RHEX: variants seen among roughly 807,000 people sequenced by gnomAD.
The protein encoded by RHEX is regulator of hemoglobinization and erythroid cell expansion, also known as regulator of hemoglobinization and erythroid cell expansion protein.
In RHEX, 18 loss-of-function variants were observed where a neutral mutation model predicts 20.1. The observed-to-expected ratio is 0.90, with a 90% CI of 0.62 to 1.33. The LOEUF is 1.33. Among genes scored for constraint, RHEX ranks in the 40% most tolerant of loss-of-function variants. The pLI is 0.00. For synonymous variants in RHEX, 87 were observed against 77.1 expected, an observed-to-expected ratio of 1.13 and a Z score of -0.67; for missense variants, 192 against 214.3, an observed-to-expected ratio of 0.90 and a Z score of 0.65.
intron 1 of RHEX, among the ~76,000 whole-genome samples, chr1:206,093,703 A>T (rs1050380769): frequency 6.6e-6 from 1 of 151,882 alleles, no homozygotes; most frequent in Non-Finnish European, 1.5e-5. Flanking sequence ...TCCCCCTGAT[A>T]TTACGCTGTA....
At chr1:206,092,197 T>A (rs182440133) in intron 1 of RHEX, among the ~76,000 whole-genome samples, 207 of 152,260 alleles carry the variant, frequency 1.4e-3, no homozygotes, top group Non-Finnish European at 2.1e-3. Flanking sequence ...GTGCTAGGAT[T>A]ACAAGTGTGA....
rs116893363 is a variant in RHEX, at chr1:206,098,696, G to A, written c.112+515G>A. ...CTTTGGTTGTGCTAAGAGAAAGGAC[G>A]GGGCAAGATGATGTTTTGAGGGTCT... On this transcript the variant is annotated intron_variant, in intron 3 of 5. Coordinates refer to ENST00000331555, the MANE Select transcript of RHEX (RefSeq NM_001007544.4). 4.4e-4 allele frequency among the ~76,000 whole-genome samples: 67 copies of A among 152,274 alleles called. No individual in the cohort carries two copies. In the East Asian group the frequency reaches 0.01, roughly 24 times the overall value.
chr1:206,085,583 C>T (rs1035178995), intron 1 of RHEX, among the ~76,000 whole-genome samples: 9 of 152,084 alleles, frequency 5.9e-5, no homozygotes, highest in African/African-American at 2.2e-4. Context: ...AACTGCTTTC[C>T]CCAAAATTAC....
At chr1:206,068,773 C>T (rs923984324) in intron 1 of RHEX, among the ~76,000 whole-genome samples, 4 of 152,216 alleles carry the variant, frequency 2.6e-5, no homozygotes, top group African/African-American at 9.7e-5. Flanking sequence ...TCAGAGCACT[C>T]ATTGTATAAG....
chr1:206,101,198 G>A lies in RHEX; in HGVS notation c.318+1G>A, dbSNP rs1306431885. The A allele has an allele frequency of 6.2e-7, 1 of 1,609,600 alleles. No individual in the cohort carries two copies. Among genetic ancestry groups the A allele is most frequent in the Non-Finnish European group, 8.5e-7 (1 of 1,177,448 alleles). ...CTGCAGTTCGCCTCCTGCCTGCCAG[G>A]TAATGGATGTGCCTAGTGATCTCAG... On this transcript the variant is annotated splice_donor_variant, in intron 5 of 5. Coordinates refer to ENST00000331555, the MANE Select transcript of RHEX (RefSeq NM_001007544.4). LOFTEE classifies it high-confidence loss of function.
intron 1 of RHEX, chr1:206,060,369 C>T (rs901207301): frequency 7.9e-5 from 12 of 152,354 alleles, no homozygotes; most frequent in Admixed American, 3.9e-4. Flanking sequence ...CTATCTCCTT[C>T]GTATTACTTT....
intron 3 of RHEX, 81 bp from the exon 4 acceptor site, chr1:206,099,574 C>A (rs1204914265): frequency 1.4e-6 from 2 of 1,380,080 alleles, no homozygotes; most frequent in African/African-American, 2.9e-5. Flanking sequence ...TTACCTCAGC[C>A]TCCCAAATTG....
chr1:206,091,409 T>C (rs938103107), intron 1 of RHEX, among the ~76,000 whole-genome samples: 4 of 152,200 alleles, frequency 2.6e-5, no homozygotes, highest in African/African-American at 4.8e-5. Context: ...ATACTGATTA[T>C]TGGTGCAGTA....
Position 206,097,836 on chromosome 1 carries a change from C to T in RHEX, c.8C>T (p.Thr3Ile), listed in dbSNP as rs782735944. The T allele has an allele frequency of 2.5e-6, 4 of 1,605,056 alleles. No homozygotes were observed. Among genetic ancestry groups the T allele is most frequent in the African/African-American group, 1.3e-5 (1 of 74,794 alleles). Residue 3 changes from threonine to isoleucine, a missense_variant, in exon 2 of 6, where the codon ACA (threonine) becomes ATA (isoleucine). By Grantham distance (89) the Thr-to-Ile change is moderately conservative. Coordinates refer to ENST00000331555, the MANE Select transcript of RHEX (RefSeq NM_001007544.4). The part of the protein sequence containing the change: ML[T>I]EVMEVWHGLV... ...ATCAGCAAGGAGCTCATCATGCTGA[C>T]AGAGTGAGTGGGCCCAACAAGAGCA...
chr1:206,087,457 C>T (rs187813534), intron 1 of RHEX, among the ~76,000 whole-genome samples: 4 of 151,852 alleles, frequency 2.6e-5, no homozygotes, highest in African/African-American at 7.3e-5. Context: ...ACCACTCCTT[C>T]TGACAATTCA....
intron 1 of RHEX, among the ~76,000 whole-genome samples, chr1:206,084,516 C>A (rs1369327864): frequency 6.6e-6 from 1 of 152,150 alleles, no homozygotes; most frequent in Non-Finnish European, 1.5e-5. Flanking sequence ...TGGAGAATTT[C>A]ATTACAGAAG....
rs559403427 is a variant in RHEX, at chr1:206,101,894, G to C, written c.461G>C (p.Trp154Ser). Reference protein sequence around the residue: ...VNPERHKPSFWYFVNPALSEP... With the variant: ...VNPERHKPSFSYFVNPALSEP... ...CCAGAAAGACACAAGCCCAGTTTCT[G>C]GTATTTTGTCAACCCTGCTCTGTCT... The change falls in exon 6 of 6, where the codon TGG becomes TCG. Residue 154 changes from tryptophan (W) to serine (S), a missense_variant. Transcript: ENST00000331555. The C allele has an allele frequency of 6.2e-7, 1 of 1,613,912 alleles. No individual in the cohort carries two copies. The highest frequency in any genetic ancestry group is 2.2e-5 in the East Asian group (1 of 44,876).
intron 4 of RHEX, among the ~76,000 whole-genome samples, chr1:206,100,501 G>T (rs537506320): frequency 1.3e-5 from 2 of 152,298 alleles, no homozygotes; most frequent in South Asian, 4.1e-4. Flanking sequence ...CCTGCCTGTG[G>T]GGACCTGAGG....
intron 1 of RHEX, among the ~76,000 whole-genome samples, chr1:206,094,327 A>G (rs1252422511): frequency 6.6e-6 from 1 of 152,244 alleles, no homozygotes; most frequent in African/African-American, 2.4e-5. Context: ...GACATCTGTC[A>G]TAATTTTCAT....
At chr1:206,097,931 C>T (rs1553287911) in intron 2 of RHEX, 92 bp downstream of exon 2, 2 of 1,215,020 alleles carry the variant, frequency 1.6e-6, no homozygotes, top group Non-Finnish European at 1.2e-6. Flanking sequence ...TTCCTGGCTG[C>T]CCCAGCCTTA....
At chr1:206,062,477 C>G (rs910421429) in intron 1 of RHEX, among the ~76,000 whole-genome samples, 4 of 152,366 alleles carry the variant, frequency 2.6e-5, no homozygotes, top group African/African-American at 9.6e-5. Flanking sequence ...TCAGGTCCAG[C>G]TGCTTTTGTC....
intron 4 of RHEX, 74 bp from the exon 5 acceptor site, chr1:206,101,062 C>A (rs2102331724): frequency 8.5e-7 from 1 of 1,179,436 alleles, no homozygotes; most frequent in Non-Finnish European, 1.2e-6. Context: ...ACAATTCTCC[C>A]TTCCATTGTC....
rs1222692627 is a variant in RHEX at position 206,097,753 on chromosome 1, G to A, written c.-76G>A. The A allele has an allele frequency of 3.7e-6, 6 of 1,613,610 alleles. No individual in the cohort carries two copies. Among genetic ancestry groups the A allele is most frequent in the Non-Finnish European group, 5.1e-6 (6 of 1,179,692 alleles). ...TGCAGATCTCCAGCACCCTGCCGGT[G>A]GCACTACTGAGAGACGAGGTGCCAG... On this transcript the variant is annotated 5_prime_UTR_variant, in exon 2 of 6. Coordinates refer to ENST00000331555, the MANE Select transcript of RHEX (RefSeq NM_001007544.4).
chr1:206,053,566 A>G (rs1017014201), intron 1 of RHEX, among the ~76,000 whole-genome samples: 5 of 152,188 alleles, frequency 3.3e-5, no homozygotes, highest in African/African-American at 7.2e-5. Context: ...GTCAGGTACA[A>G]ATAAGCCCAC....
Sources: allele counts gnomAD v4.1 joint callset (sites outside exome capture counted in the v4.1 genomes callset), GRCh38; gene constraint gnomAD v4.1.1; transcripts MANE v1.5; gene names NCBI Gene and HGNC (gene_info 2026-07-23, HGNC 2026-07-21).